LRRIQ1: variants seen among roughly 807,000 people sequenced by gnomAD.
The protein encoded by LRRIQ1 is leucine-rich repeat- and IQ domain-containing protein 1.
In LRRIQ1, 210 loss-of-function variants were observed where a neutral mutation model predicts 211.9. The ratio of observed to expected loss-of-function variants is 0.99; its 90% CI spans 0.89 to 1.11. LRRIQ1 has a LOEUF of 1.11. Ranked by LOEUF, LRRIQ1 falls within the 50% of genes most tolerant of loss-of-function variation. The pLI is 0.00. For synonymous variants in LRRIQ1, 699 were observed against 650.1 expected (o/e 1.08, Z -1.14); for missense variants, 2,136 against 1,939.5 (o/e 1.10, Z -1.90).
At chr12:85,249,863 T>C (rs1304518331), downstream of LRRIQ1, among the ~76,000 whole-genome samples, 1 of 151,952 alleles carries the variant, frequency 6.6e-6, no homozygotes, top group Non-Finnish European at 1.5e-5. Context: ...TGATGGAATT[T>C]AATCGACATG....
intron 15 of LRRIQ1, among the ~76,000 whole-genome samples, chr12:85,112,750 G>A (rs1887276492): frequency 6.6e-6 from 1 of 152,014 alleles, no homozygotes; most frequent in South Asian, 2.1e-4. Context: ...CATTAAAAAT[G>A]CGTTAGTTGG....
At chr12:85,096,079 CTATT>C (rs1172533946) in intron 11 of LRRIQ1, among the ~76,000 whole-genome samples, 1 of 152,018 alleles carries the variant, frequency 6.6e-6, no homozygotes, top group Non-Finnish European at 1.5e-5. Context: ...AGCTAGTAGT[CTATT>C]TATCTTGTTT....
intron 15 of LRRIQ1, among the ~76,000 whole-genome samples, chr12:85,116,459 A>C (rs1887589429): frequency 6.6e-6 from 1 of 152,092 alleles, no homozygotes; most frequent in African/African-American, 2.4e-5. Flanking sequence ...CTTATTCTTT[A>C]GTGTGCATAA....
chr12:85,036,598 A>G (rs1306974748), intron 1 of LRRIQ1, among the ~76,000 whole-genome samples, 191 bp downstream of exon 1: 1 of 152,126 alleles, frequency 6.6e-6, no homozygotes, highest in Admixed American at 6.6e-5. Flanking sequence ...GAACTCATTC[A>G]AAACTTAAAG....
intron 24 of LRRIQ1, among the ~76,000 whole-genome samples, chr12:85,193,088 TTA>T (rs1054183629): frequency 3.3e-5 from 4 of 119,536 alleles, no homozygotes; most frequent in African/African-American, 6.4e-5. Flanking sequence ...TTATATATAA[TTA>T]TATATATTTA....
chr12:85,127,904 G>T lies in LRRIQ1; in HGVS notation c.4080G>T (p.Arg1360Ser). The T allele has an allele frequency of 6.2e-7, 1 of 1,613,994 alleles. No homozygotes were observed. Among genetic ancestry groups the T allele is most frequent in the Non-Finnish European group, 8.5e-7 (1 of 1,180,008 alleles). Residue 1360 changes from arginine to serine, a missense_variant, in exon 18 of 27, where the codon AGG (arginine) becomes AGT (serine). By Grantham distance (110) the Arg-to-Ser change is moderately radical. Coordinates refer to ENST00000393217, the MANE Select transcript of LRRIQ1 (RefSeq NM_001079910.2). ...LMRRQTHFSTRLHTAATEGLP... is the reference protein window; with the variant it reads ...LMRRQTHFSTSLHTAATEGLP... ...GCAGACAGACTCATTTCTCCACAAG[G>T]CTACATACTGCTGCAACAGAAGGCC...
At chr12:85,206,245 C>T (rs1024290037) in intron 24 of LRRIQ1, among the ~76,000 whole-genome samples, 6 of 152,154 alleles carry the variant, frequency 3.9e-5, no homozygotes, top group African/African-American at 1.4e-4. Flanking sequence ...TGTGTGTTTC[C>T]ACCTGCAGCA....
chr12:85,183,867 CTT>C (rs1476755383), intron 24 of LRRIQ1, among the ~76,000 whole-genome samples: 1 of 152,022 alleles, frequency 6.6e-6, no homozygotes, highest in Non-Finnish European at 1.5e-5. Flanking sequence ...CTGTTATACT[CTT>C]ATAAAATCTG....
chr12:85,203,758 C>T (rs986263466), intron 24 of LRRIQ1, among the ~76,000 whole-genome samples: 9 of 152,026 alleles, frequency 5.9e-5, no homozygotes, highest in African/African-American at 1.4e-4. Context: ...AACATTCAAG[C>T]GGTGACTCGG....
chr12:85,082,850 A>G (rs1565817009), intron 11 of LRRIQ1, among the ~76,000 whole-genome samples: 1 of 151,982 alleles, frequency 6.6e-6, no homozygotes, highest in Non-Finnish European at 1.5e-5. Context: ...TAAGTTTGTG[A>G]TTATTCTTAG....
intron 24 of LRRIQ1, among the ~76,000 whole-genome samples, chr12:85,173,881 A>C (rs1183192464): frequency 1.3e-5 from 2 of 152,132 alleles, no homozygotes; most frequent in African/African-American, 4.8e-5. Flanking sequence ...TCCAGGCAAG[A>C]GATTAGAAGA....
intron 11 of LRRIQ1, among the ~76,000 whole-genome samples, chr12:85,083,173 T>G (rs1265188508): frequency 6.6e-6 from 1 of 152,174 alleles, no homozygotes; most frequent in African/African-American, 2.4e-5. Context: ...GAATTTTGTT[T>G]CCTTAAGTTC....
intron 19 of LRRIQ1, among the ~76,000 whole-genome samples, chr12:85,151,249 G>T (rs1040808899): frequency 6.6e-6 from 1 of 151,458 alleles, no homozygotes; most frequent in African/African-American, 2.4e-5. Context: ...GTGCAAGTTT[G>T]GTTAGGTATC....
intron 13 of LRRIQ1, among the ~76,000 whole-genome samples, chr12:85,099,399 C>T (rs1886168242): frequency 6.6e-6 from 1 of 151,782 alleles, no homozygotes; most frequent in Non-Finnish European, 1.5e-5. Flanking sequence ...TTACTCTGCT[C>T]TCAACTTGCT....
At chr12:85,139,306 GAT>G (rs562693429) in intron 19 of LRRIQ1, among the ~76,000 whole-genome samples, 51 of 151,564 alleles carry the variant, frequency 3.4e-4, no homozygotes, top group African/African-American at 1.2e-3. Context: ...ATCATTCAAA[GAT>G]ATGTGTAAGA....
intron 26 of LRRIQ1, among the ~76,000 whole-genome samples, chr12:85,241,101 C>T (rs958144882): frequency 2.6e-5 from 4 of 151,946 alleles, no homozygotes; most frequent in African/African-American, 9.7e-5. Flanking sequence ...AGTATTGATA[C>T]AGTGTCAGTT....
chr12:85,115,545 A>T (rs1887510088), intron 15 of LRRIQ1, among the ~76,000 whole-genome samples: 1 of 152,188 alleles, frequency 6.6e-6, no homozygotes, highest in Non-Finnish European at 1.5e-5. Flanking sequence ...TAAACATAAC[A>T]TCAAAGTATT....
intron 7 of LRRIQ1, among the ~76,000 whole-genome samples, chr12:85,053,124 TC>T (rs1267851476): frequency 6.6e-6 from 1 of 151,320 alleles, no homozygotes; most frequent in Non-Finnish European, 1.5e-5. Context: ...ATAGAAAATA[TC>T]CAAATTAAAG....
At position 85,106,578 on chromosome 12, in the gene LRRIQ1, C is replaced by T. The variant is rs771631671; in HGVS notation, c.3340C>T (p.Leu1114Phe). ...DACYSLHELS[L>F]TGNPLLQETN... ...ATGCTATTCTCTCCATGAATTGTCT[C>T]TTACTGGAAACCCACTTCTTCAAGA... The change falls in exon 15 of 27, where the codon CTT becomes TTT. Residue 1114 changes from leucine (L) to phenylalanine (F), a missense_variant. By Grantham distance (22) the Leu-to-Phe change is conservative. Coordinates refer to ENST00000393217, the MANE Select transcript of LRRIQ1 (RefSeq NM_001079910.2). 2.5e-6 allele frequency: 4 copies of T among 1,612,806 alleles called. No individual in the cohort carries two copies. The highest frequency in any genetic ancestry group is 2.2e-5 in the East Asian group (1 of 44,724).
Sources: allele counts gnomAD v4.1 joint callset (sites outside exome capture counted in the v4.1 genomes callset), GRCh38; gene constraint gnomAD v4.1.1; transcripts MANE v1.5; gene names NCBI Gene and HGNC (gene_info 2026-07-23, HGNC 2026-07-21).